The following ABCC1 variants were observed in gnomAD, a reference collection of about 807,000 sequenced individuals.
The protein encoded by ABCC1 is multidrug resistance-associated protein 1.
A neutral mutation model predicts 172.9 loss-of-function variants in ABCC1; 83 were observed. The ratio of observed to expected loss-of-function variants is 0.48; its 90% CI spans 0.40 to 0.58. The LOEUF is 0.58. ABCC1 is among the 20% of genes least tolerant of loss of function. The pLI, the probability that ABCC1 is intolerant of heterozygous loss-of-function variation, is 0.00. For synonymous variants in ABCC1, 937 were observed against 825.2 expected (o/e 1.14, Z -2.32); for missense variants, 1,817 against 2,002.7 (o/e 0.91, Z 1.77).
At chr16:16,024,736 A>C (rs2048313277) in intron 5 of ABCC1, among the ~76,000 whole-genome samples, 1 of 152,174 alleles carries the variant, frequency 6.6e-6, no homozygotes, top group Non-Finnish European at 1.5e-5. Context: ...CAGGTTGGAC[A>C]GGTTGTGGAA....
intron 14 of ABCC1, among the ~76,000 whole-genome samples, chr16:16,073,174 G>A (rs370005608): frequency 2.6e-5 from 4 of 152,176 alleles, no homozygotes; most frequent in South Asian, 4.2e-4. Context: ...TACTCACCAT[G>A]GTACCCCTGG....
intron 23 of ABCC1, among the ~76,000 whole-genome samples, chr16:16,118,902 A>T (rs1016896325): frequency 6.7e-6 from 1 of 149,070 alleles, no homozygotes; most frequent in African/African-American, 2.6e-5. Context: ...AAAAAAAAAA[A>T]AAAGAGCAAA....
In ABCC1 at chr16:16,014,547, G is replaced by A. The variant is rs2047919832; in HGVS notation, c.408G>A (p.Gly136=). ...GGAGGAAGGGAGTTCAGTCTTCAGG[G>A]ATCATGCTCACTTTCTGGCTGGTAG... ...LERRKGVQSS[G]IMLTFWLVAL... The change falls in exon 4 of 31, where the codon GGG becomes GGA. Residue 136 remains glycine (G), a synonymous_variant. Coordinates refer to ENST00000399410, the MANE Select transcript of ABCC1 (RefSeq NM_004996.4). 1.9e-6 allele frequency: 3 copies of A among 1,614,162 alleles called. No individual in the cohort carries two copies. In the East Asian group the frequency reaches 6.7e-5, roughly 36 times the overall value.
At chr16:15,995,977 GTTTTTTTTTTTT>G (rs565769136) in intron 1 of ABCC1, among the ~76,000 whole-genome samples, 97 of 98,620 alleles carry the variant, frequency 9.8e-4, no homozygotes, top group African/African-American at 3.9e-3. Flanking sequence ...GCCCAGCTAA[GTTTTTTTTTTTT>G]TTTTTTTTTT....
At position 15,975,541 on chromosome 16, in the gene ABCC1, GTTTTTTTTGTTTTTTTTGT is replaced by G. The variant is rs2046468438; in HGVS notation, c.48+25756_48+25774del. Among the ~76,000 whole-genome samples the G allele has an allele frequency of 5.8e-5, 5 of 86,794 alleles. No individual in the cohort carries two copies. In the South Asian group the frequency reaches 2.5e-3, roughly 43 times the overall value. The allele number at this position is 86,794 out of a possible 152,430, so 56.9% of individuals were successfully genotyped here. A position where few individuals can be genotyped will look rare whatever the true frequency, so the allele number is the denominator to read the frequency against. On this transcript the variant is annotated intron_variant, in intron 1 of 30. Coordinates refer to ENST00000399410, the MANE Select transcript of ABCC1 (RefSeq NM_004996.4). ...CACCTTTTATTTATGTTTTGTGGTG[GTTTTTTTTGTTTTTTTTGT>G]TTTTTTTTGTTTTGAGACTGAGTTT...
chr16:15,989,495 C>T (rs1056574004), intron 1 of ABCC1, among the ~76,000 whole-genome samples: 1 of 152,140 alleles, frequency 6.6e-6, no homozygotes, highest in East Asian at 1.9e-4. Flanking sequence ...AGAAGCCCAG[C>T]GGGTGCCCTG....
chr16:16,106,645 G>T lies in ABCC1; in HGVS notation c.2736-93G>T, dbSNP rs997031889. 9.3e-6 allele frequency: 14 copies of T among 1,513,512 alleles called. No homozygotes were observed. In the African/African-American group the frequency reaches 1.2e-4, roughly 13 times the overall value. 93.8% of individuals were successfully genotyped at this position (1,513,512 alleles called of 1,614,324 possible). On this transcript the variant is annotated intron_variant, in intron 20 of 30. Transcript: ENST00000399410. ...GGAAACACTCCGTCTCTTATGCCAT[G>T]GTTCAGACCCACAATAGCAGTCCCA...
At chr16:16,029,854 A>AT (rs1258861176) in intron 5 of ABCC1, among the ~76,000 whole-genome samples, 1 of 152,186 alleles carries the variant, frequency 6.6e-6, no homozygotes, top group Non-Finnish European at 1.5e-5. Context: ...TGTCTTGACA[A>AT]AAAACATGTA....
At chr16:16,052,443 AT>A (rs1339582669) in intron 10 of ABCC1, among the ~76,000 whole-genome samples, 5 of 151,930 alleles carry the variant, frequency 3.3e-5, no homozygotes, top group Non-Finnish European at 7.4e-5. Flanking sequence ...AAAAAAAAAA[AT>A]TAGAATCCTG....
chr16:16,129,529 GT>G (rs869030931), intron 26 of ABCC1, among the ~76,000 whole-genome samples: 2 of 144,928 alleles, frequency 1.4e-5, no homozygotes, highest in East Asian at 2.0e-4. Flanking sequence ...TGGTGGTGGG[GT>G]TTTTTTTTGT....
At chr16:15,998,995 A>T (rs113923712) in intron 1 of ABCC1, among the ~76,000 whole-genome samples, 2 of 151,848 alleles carry the variant, frequency 1.3e-5, no homozygotes, top group Admixed American at 1.3e-4. Flanking sequence ...TAAAAAAATT[A>T]AAAAAAAATT....
chr16:15,987,587 A>AAACCCAGG (rs1266863834), intron 1 of ABCC1, among the ~76,000 whole-genome samples: 3 of 152,178 alleles, frequency 2.0e-5, no homozygotes, highest in African/African-American at 7.2e-5. Flanking sequence ...TAAGTTGTGA[A>AAACCCAGG]AACCCAGGAT....
At position 16,124,337 on chromosome 16, in the gene ABCC1, G is replaced by GTGTGTGTGTGTGTGTGTGTGTGTA. The variant is rs150885815; in HGVS notation, c.3591-440_3591-439insTGTGTGTGTGTATGTGTGTGTGTG. Among the ~76,000 whole-genome samples the GTGTGTGTGTGTGTGTGTGTGTGTA allele has an allele frequency of 7.2e-4, 89 of 122,882 alleles. 3 individuals carry two copies. The highest frequency in any genetic ancestry group is 2.6e-3 in the African/African-American group (82 of 30,954). 80.6% of individuals were successfully genotyped at this position (122,882 alleles called of 152,430 possible). On this transcript the variant is annotated intron_variant, in intron 24 of 30. Transcript: ENST00000399410. ...GCACTGTGTGTGTGTGTGTGTGTGT[G>GTGTGTGTGTGTGTGTGTGTGTGTA]TGTGTGTGTGTGATTATAGGAGTGA...
intron 23 of ABCC1, among the ~76,000 whole-genome samples, chr16:16,120,346 G>C (rs774889705): frequency 6.6e-6 from 1 of 152,204 alleles, no homozygotes; most frequent in Non-Finnish European, 1.5e-5. Context: ...AAAAACCTAG[G>C]CTAGGAGAGC....
chr16:15,962,796 T>C (rs1333548069), intron 1 of ABCC1, among the ~76,000 whole-genome samples: 1 of 152,208 alleles, frequency 6.6e-6, no homozygotes, highest in Non-Finnish European at 1.5e-5. Context: ...ACAATTAAGA[T>C]TACAATTCAA....
In ABCC1 at chr16:16,125,007, G is replaced by A. The variant is rs1349626000; in HGVS notation, c.3717+92G>A. 2.5e-6 allele frequency: 4 copies of A among 1,573,260 alleles called. No homozygotes were observed. In the East Asian group the frequency reaches 6.7e-5, roughly 26 times the overall value. On this transcript the variant is annotated intron_variant, in intron 25 of 30. Coordinates refer to ENST00000399410, the MANE Select transcript of ABCC1 (RefSeq NM_004996.4). ...TTGGATTCCAGCTCCAACAGGAATGGGGGAGAGGAACTTGAGAGGTACGGA... is the reference window on the plus strand; with the variant it reads ...TTGGATTCCAGCTCCAACAGGAATGAGGGAGAGGAACTTGAGAGGTACGGA...
intron 5 of ABCC1, among the ~76,000 whole-genome samples, chr16:16,026,261 C>G (rs114431168): frequency 1.3e-5 from 2 of 150,296 alleles, no homozygotes; most frequent in African/African-American, 4.9e-5. Context: ...ATAAAACCCC[C>G]GTCTGTACTA....
intron 1 of ABCC1, among the ~76,000 whole-genome samples, chr16:15,957,243 C>G (rs1010266285): frequency 6.8e-6 from 1 of 146,590 alleles, no homozygotes; most frequent in African/African-American, 2.6e-5. Context: ...CCATGCCCAG[C>G]TAATTTTTTT....
intron 5 of ABCC1, among the ~76,000 whole-genome samples, chr16:16,026,035 C>A (rs146026013): frequency 9.9e-5 from 15 of 152,248 alleles, no homozygotes; most frequent in Non-Finnish European, 2.1e-4. Flanking sequence ...GATTACAATC[C>A]AGTGCCCCAT....
Sources: allele counts gnomAD v4.1 joint callset (sites outside exome capture counted in the v4.1 genomes callset), GRCh38; gene constraint gnomAD v4.1.1; transcripts MANE v1.5; gene names NCBI Gene and HGNC (gene_info 2026-07-23, HGNC 2026-07-21).